Variants in HRH1 observed in about 807,000 individuals in gnomAD.
HRH1 encodes the protein histamine receptor H1.
HRH1 carries 6 observed loss-of-function variants against 10.3 expected under a neutral mutation model. The ratio of observed to expected loss-of-function variants is 0.58; its 90% confidence interval spans 0.32 to 1.15. The LOEUF is 1.15. HRH1 is among the 50% of genes most tolerant of loss of function. The probability of loss-of-function intolerance (pLI) is 0.05; values close to 1 mark genes in which losing one functional copy is unlikely to be tolerated. For synonymous variants in HRH1, 242 were observed against 236.7 expected (o/e 1.02, Z -0.21); for missense variants, 514 against 615.3 (o/e 0.84, Z 1.74).
intron 1 of HRH1, among the ~76,000 whole-genome samples, chr3:11,155,793 C>A (rs568889132): frequency 6.6e-6 from 1 of 152,238 alleles, no homozygotes; most frequent in Non-Finnish European, 1.5e-5. Flanking sequence ...TAGGAAGAGT[C>A]TTGGAGGCAG....
intron 1 of HRH1, among the ~76,000 whole-genome samples, chr3:11,219,137 C>T (rs1938612457): frequency 6.6e-6 from 1 of 152,108 alleles, no homozygotes; most frequent in South Asian, 2.1e-4. Flanking sequence ...GATCCACCCA[C>T]CTCAGCCTCT....
At chr3:11,202,514 G>A (rs1163809606) in intron 1 of HRH1, among the ~76,000 whole-genome samples, 3 of 152,036 alleles carry the variant, frequency 2.0e-5, no homozygotes, top group Non-Finnish European at 4.4e-5. Context: ...CCAGCTTTTA[G>A]CATCCTGACC....
At chr3:11,201,560 G>A (rs1472173069) in intron 1 of HRH1, among the ~76,000 whole-genome samples, 3 of 152,190 alleles carry the variant, frequency 2.0e-5, no homozygotes, top group African/African-American at 7.2e-5. Flanking sequence ...GTGGGGATCA[G>A]AGTGAGGGAA....
intron 1 of HRH1, chr3:11,234,679 A>C: frequency 8.5e-7 from 1 of 1,171,992 alleles, no homozygotes; most frequent in Non-Finnish European, 1.3e-6. Flanking sequence ...GCAGTAGGAC[A>C]TGGCTGCAGC....
At chr3:11,253,953 G>A (rs552414136) in intron 1 of HRH1, among the ~76,000 whole-genome samples, 26 of 152,150 alleles carry the variant, frequency 1.7e-4, no homozygotes, top group Non-Finnish European at 2.6e-4. Flanking sequence ...TGTGGTGGCA[G>A]CTGCTTGGGG....
At chr3:11,245,732 C>T (rs746409214) in intron 1 of HRH1, among the ~76,000 whole-genome samples, 1 of 152,166 alleles carries the variant, frequency 6.6e-6, no homozygotes, top group Admixed American at 6.5e-5. Flanking sequence ...CTTGTGCACT[C>T]TTAGAGAAGA....
chr3:11,206,428 T>TCTTTGTATACCAAA (rs1938129468), intron 1 of HRH1, among the ~76,000 whole-genome samples: 1 of 152,258 alleles, frequency 6.6e-6, no homozygotes, highest in African/African-American at 2.4e-5. Flanking sequence ...TGTTTTCACA[T>TCTTTGTATACCAAA]CTTTGTATAC....
At chr3:11,220,000 GTAT>G (rs1481864399) in intron 1 of HRH1, among the ~76,000 whole-genome samples, 1 of 142,836 alleles carries the variant, frequency 7.0e-6, no homozygotes, top group African/African-American at 2.6e-5. Context: ...AAGGAAGGAA[GTAT>G]TGGCTACAAA....
intron 1 of HRH1, chr3:11,234,238 G>C (rs1474355418): frequency 6.7e-7 from 1 of 1,494,806 alleles, no homozygotes; most frequent in Non-Finnish European, 9.2e-7. Flanking sequence ...GGAGCCCAGT[G>C]CCTTGTGGCC....
chr3:11,197,717 A>G (rs981417674), intron 1 of HRH1, among the ~76,000 whole-genome samples: 2 of 152,248 alleles, frequency 1.3e-5, no homozygotes, highest in Non-Finnish European at 2.9e-5. Flanking sequence ...TTTTAAAAGT[A>G]TTACAGTAAA....
intron 1 of HRH1, among the ~76,000 whole-genome samples, chr3:11,173,490 C>T (rs1937193831): frequency 6.6e-6 from 1 of 151,826 alleles, no homozygotes; most frequent in East Asian, 1.9e-4. Context: ...GCAAGTTCCT[C>T]CTCCCGGGTT....
intron 1 of HRH1, among the ~76,000 whole-genome samples, chr3:11,232,169 G>T (rs1306519679): frequency 6.6e-6 from 1 of 152,016 alleles, no homozygotes; most frequent in Admixed American, 6.6e-5. Flanking sequence ...TGTATTTTTA[G>T]TAGAGACAGG....
intron 1 of HRH1, among the ~76,000 whole-genome samples, chr3:11,257,087 T>C (rs1939800660): frequency 6.6e-6 from 1 of 150,694 alleles, no homozygotes; most frequent in Non-Finnish European, 1.5e-5. Context: ...ACCCCTTCTC[T>C]ACTAAAAATA....
intron 1 of HRH1, among the ~76,000 whole-genome samples, chr3:11,182,735 T>C (rs777728534): frequency 1.3e-5 from 2 of 152,198 alleles, no homozygotes; most frequent in Admixed American, 6.5e-5. Flanking sequence ...ATCCTGCCCG[T>C]ATCCTGTTCA....
At chr3:11,209,846 T>C (rs2125033271) in intron 1 of HRH1, among the ~76,000 whole-genome samples, 1 of 152,324 alleles carries the variant, frequency 6.6e-6, no homozygotes, top group East Asian at 1.9e-4. Flanking sequence ...GGCTCGGATG[T>C]GGAGGTGAAT....
intron 1 of HRH1, among the ~76,000 whole-genome samples, chr3:11,207,338 GT>G (rs1938169158): frequency 6.6e-6 from 1 of 152,100 alleles, no homozygotes; most frequent in Non-Finnish European, 1.5e-5. Flanking sequence ...GCCAAGGCGG[GT>G]GGATCACGAG....
chr3:11,220,588 C>T (rs148439720), intron 1 of HRH1, among the ~76,000 whole-genome samples: 233 of 152,298 alleles, frequency 1.5e-3, no homozygotes, highest in African/African-American at 5.3e-3. Context: ...ACAGCTGAGA[C>T]GGTAAATTGG....
chr3:11,250,243 TGGAGACGG>T (rs1939612501), intron 1 of HRH1, among the ~76,000 whole-genome samples: 1 of 140,582 alleles, frequency 7.1e-6, no homozygotes, highest in Non-Finnish European at 1.5e-5. Flanking sequence ...GTATTTTTAG[TGGAGACGG>T]GGTTTCACCA....
At chr3:11,202,438 T>TTAAA (rs1553573796) in intron 1 of HRH1, among the ~76,000 whole-genome samples, 4 of 133,554 alleles carry the variant, frequency 3.0e-5, no homozygotes, top group Non-Finnish European at 3.2e-5. Flanking sequence ...AAATAAATAA[T>TTAAA]TAATTAAAAA....
Sources: gnomAD v4.1 joint callset for allele counts (sites outside exome capture counted in the v4.1 genomes callset) on GRCh38, gnomAD v4.1.1 for gene constraint, MANE v1.5 for transcripts, NCBI Gene and HGNC (gene_info 2026-07-23, HGNC 2026-07-21) for gene names.